NELL1: variants seen among roughly 807,000 people sequenced by gnomAD.
NELL1 encodes the protein neural EGFL like 1, also known as protein kinase C-binding protein NELL1.
NELL1 carries 76 observed loss-of-function variants against 107.4 expected under a neutral mutation model. The ratio of observed to expected loss-of-function variants is 0.71; its 90% CI spans 0.59 to 0.86. The LOEUF is 0.86. NELL1 is among the 40% of genes least tolerant of loss of function. NELL1 has a pLI of 0.00. For missense variants in NELL1, 1,024 were observed against 1,005.5 expected, an observed-to-expected ratio of 1.02 and a Z score of -0.25; for synonymous variants, 353 against 341.2, an observed-to-expected ratio of 1.03 and a Z score of -0.38.
intron 13 of NELL1, among the ~76,000 whole-genome samples, chr11:21,171,507 A>C (rs963616856): frequency 1.3e-5 from 2 of 151,844 alleles, no homozygotes; most frequent in Admixed American, 6.6e-5. Flanking sequence ...GAGTGTTTCT[A>C]TGTTATTAGC....
chr11:21,526,523 C>T (rs552157786), intron 15 of NELL1, among the ~76,000 whole-genome samples: 1 of 152,310 alleles, frequency 6.6e-6, no homozygotes, highest in African/African-American at 2.4e-5. Context: ...GCTCCAATCC[C>T]ACATTTTCCT....
In NELL1 at chr11:21,470,777, C is replaced by A. The variant is rs1187965966; in HGVS notation, c.1646-63597C>A. 2.6e-5 allele frequency among the ~76,000 whole-genome samples: 4 copies of A among 152,198 alleles called. No homozygotes were observed. In the South Asian group the frequency reaches 6.2e-4, roughly 24 times the overall value. The stretch of plus-strand genomic sequence containing the variant: ...CTGCAAGTTCCTGATTCATAGGATG[C>A]ACTGTGCAGCAGTTTGGAACTCAGT... On this transcript the variant is annotated intron_variant, in intron 15 of 19. Transcript: ENST00000357134.
At chr11:21,089,791 G>T (rs1421614436) in intron 12 of NELL1, among the ~76,000 whole-genome samples, 1 of 152,200 alleles carries the variant, frequency 6.6e-6, no homozygotes, top group East Asian at 1.9e-4. Context: ...GGTAGTCCTT[G>T]GTTGATGGCT....
At chr11:21,261,525 T>A (rs1175115055) in intron 14 of NELL1, among the ~76,000 whole-genome samples, 1 of 151,366 alleles carries the variant, frequency 6.6e-6, no homozygotes, top group Non-Finnish European at 1.5e-5. Context: ...TTGCATATAT[T>A]TAGCCCTCAC....
chr11:21,451,333 G>A (rs1853580006), intron 15 of NELL1, among the ~76,000 whole-genome samples: 1 of 152,116 alleles, frequency 6.6e-6, no homozygotes. Flanking sequence ...AACATAGCAG[G>A]GCTGATGTGT....
In NELL1 at chr11:21,309,284, A is replaced by ATATATATATATG. The variant is rs1565160417; in HGVS notation, c.1550-61558_1550-61557insGTATATATATAT. Among the ~76,000 whole-genome samples the ATATATATATATG allele has an allele frequency of 1.3e-4, 8 of 62,782 alleles. No individual in the cohort carries two copies. The South Asian group carries it at 3.3e-3, about 26-fold the overall frequency. 41.2% of individuals were successfully genotyped at this position (62,782 alleles called of 152,430 possible). ...TGTATATATATATATATATATGTAT[A>ATATATATATATG]TATATATATATATATGTATATATAT... On this transcript the variant is annotated intron_variant, in intron 14 of 19. Transcript: ENST00000357134.
chr11:21,288,457 C>G (rs1157637353), intron 14 of NELL1, among the ~76,000 whole-genome samples: 2 of 152,194 alleles, frequency 1.3e-5, no homozygotes, highest in East Asian at 1.9e-4. Context: ...TGATTTTTCT[C>G]TAAATTACTC....
At chr11:20,861,887 C>T (rs1166579948) in intron 4 of NELL1, among the ~76,000 whole-genome samples, 1 of 152,196 alleles carries the variant, frequency 6.6e-6, no homozygotes, top group Non-Finnish European at 1.5e-5. Flanking sequence ...AAGATGGGGA[C>T]AGAGTACCTC....
intron 2 of NELL1, among the ~76,000 whole-genome samples, chr11:20,706,538 G>C (rs1031072267): frequency 6.0e-4 from 75 of 125,898 alleles, no homozygotes; most frequent in African/African-American, 2.1e-3. Context: ...GGGGAGGGGG[G>C]AGGGATAGCA....
chr11:20,954,038 C>T (rs1851119516), intron 11 of NELL1, among the ~76,000 whole-genome samples: 1 of 152,198 alleles, frequency 6.6e-6, no homozygotes, highest in Admixed American at 6.5e-5. Context: ...GAATTCCAGC[C>T]TCAGTCGGAC....
chr11:21,288,114 G>A (rs201409090), intron 14 of NELL1, among the ~76,000 whole-genome samples: 4 of 149,818 alleles, frequency 2.7e-5, no homozygotes, highest in African/African-American at 9.9e-5. Context: ...GAGGAAGGAA[G>A]GAAGGGAAGG....
intron 12 of NELL1, among the ~76,000 whole-genome samples, chr11:21,005,178 A>T (rs1395316427): frequency 5.9e-5 from 9 of 152,210 alleles, no homozygotes; most frequent in African/African-American, 2.2e-4. Context: ...AGTGGTTAAA[A>T]ACATCGATAT....
At chr11:21,562,881 G>C (rs1856884506) in intron 17 of NELL1, among the ~76,000 whole-genome samples, 1 of 152,030 alleles carries the variant, frequency 6.6e-6, no homozygotes, top group Non-Finnish European at 1.5e-5. Context: ...CAGTACACCA[G>C]CTTAGCTGCT....
chr11:21,464,344 G>C (rs181813992), intron 15 of NELL1, among the ~76,000 whole-genome samples: 11 of 147,934 alleles, frequency 7.4e-5, no homozygotes, highest in Non-Finnish European at 1.5e-4. Context: ...AATATATATT[G>C]CTTCTTTAGT....
chr11:20,871,838 T>C (rs1352969724), intron 4 of NELL1, among the ~76,000 whole-genome samples: 2 of 151,366 alleles, frequency 1.3e-5, no homozygotes, highest in Non-Finnish European at 2.9e-5. Context: ...GCTAACATGG[T>C]GAAACCCCGT....
intron 12 of NELL1, among the ~76,000 whole-genome samples, chr11:21,057,998 A>G (rs1171417488): frequency 6.6e-6 from 1 of 152,090 alleles, no homozygotes. Context: ...TCAGAAGAGG[A>G]GGTTGAGTTT....
intron 12 of NELL1, among the ~76,000 whole-genome samples, chr11:21,100,659 A>G (rs1224951842): frequency 2.0e-5 from 3 of 152,342 alleles, no homozygotes; most frequent in Admixed American, 1.3e-4. Context: ...CCAATGTTGC[A>G]GCATTATTCA....
chr11:20,707,804 TGAG>T (rs1281238305), intron 2 of NELL1, among the ~76,000 whole-genome samples: 2 of 152,234 alleles, frequency 1.3e-5, no homozygotes, highest in East Asian at 3.9e-4. Flanking sequence ...GGGACCCACT[TGAG>T]GAGGCAGTCT....
At chr11:21,143,415 G>A (rs1490371497) in intron 13 of NELL1, among the ~76,000 whole-genome samples, 3 of 152,116 alleles carry the variant, frequency 2.0e-5, no homozygotes, top group African/African-American at 7.2e-5. Flanking sequence ...GGAAAGAAAG[G>A]GGAAAGGAGA....
Sources: gnomAD v4.1 joint callset for allele counts (sites outside exome capture counted in the v4.1 genomes callset) on GRCh38, gnomAD v4.1.1 for gene constraint, MANE v1.5 for transcripts, NCBI Gene and HGNC (gene_info 2026-07-23, HGNC 2026-07-21) for gene names.